Variants in MDGA2 observed in about 807,000 individuals in gnomAD.
MDGA2 encodes MAM domain-containing glycosylphosphatidylinositol anchor protein 2.
Under a neutral mutation model 117.8 loss-of-function variants are expected in MDGA2, and 40 were observed. The ratio of observed to expected loss-of-function variants is 0.34; its 90% CI spans 0.26 to 0.44. The LOEUF (loss-of-function observed/expected upper bound fraction) is 0.44. Ranked by LOEUF, MDGA2 falls within the 20% of genes least tolerant of loss-of-function variation. The pLI is 1.00. For synonymous variants in MDGA2, 452 were observed against 439.0 expected (o/e 1.03, Z -0.37); for missense variants, 1,123 against 1,250.6 (o/e 0.90, Z 1.54).
intron 3 of MDGA2, among the ~76,000 whole-genome samples, chr14:47,197,516 T>G (rs1025903297): frequency 1.3e-5 from 2 of 152,120 alleles, no homozygotes; most frequent in Non-Finnish European, 2.9e-5. Context: ...TGCCCAGTCA[T>G]CTATGGTATT....
chr14:47,288,895 T>C (rs1888779777), intron 2 of MDGA2, among the ~76,000 whole-genome samples: 1 of 152,170 alleles, frequency 6.6e-6, no homozygotes, highest in Non-Finnish European at 1.5e-5. Flanking sequence ...TATTCCTTAC[T>C]GATTTTGTTT....
chr14:46,866,056 G>A (rs1469492988), intron 14 of MDGA2, among the ~76,000 whole-genome samples: 2 of 151,416 alleles, frequency 1.3e-5, no homozygotes, highest in Non-Finnish European at 3.0e-5. Flanking sequence ...AAGTTCATAT[G>A]GAACCAAAAA....
chr14:47,585,608 C>T (rs528444485), intron 1 of MDGA2, among the ~76,000 whole-genome samples: 8 of 151,820 alleles, frequency 5.3e-5, no homozygotes, highest in African/African-American at 1.9e-4. Context: ...TGTAAGCCAA[C>T]AGAAGCCAAA....
intron 1 of MDGA2, among the ~76,000 whole-genome samples, chr14:47,577,823 G>C (rs1300775954): frequency 6.6e-6 from 1 of 152,188 alleles, no homozygotes; most frequent in Non-Finnish European, 1.5e-5. Flanking sequence ...CTGTTGGTAG[G>C]AATGTAAATT....
chr14:47,295,605 T>A (rs1889037632), intron 2 of MDGA2, among the ~76,000 whole-genome samples: 1 of 152,170 alleles, frequency 6.6e-6, no homozygotes, highest in Non-Finnish European at 1.5e-5. Flanking sequence ...CTCATTTATA[T>A]ATCAAAATGT....
chr14:47,488,686 C>A (rs1894108361), intron 1 of MDGA2, among the ~76,000 whole-genome samples: 2 of 151,690 alleles, frequency 1.3e-5, no homozygotes, highest in South Asian at 4.1e-4. Context: ...ATAAGTAAAT[C>A]CAAAAGTTAG....
At chr14:46,907,438 GA>G in intron 10 of MDGA2, among the ~76,000 whole-genome samples, 1 of 152,236 alleles carries the variant, frequency 6.6e-6, no homozygotes. Context: ...TTATTCTAAT[GA>G]TTAGATTCAC....
At chr14:47,512,740 ATCCATGGCTTTTTC>A (rs1894667992) in intron 1 of MDGA2, among the ~76,000 whole-genome samples, 1 of 152,114 alleles carries the variant, frequency 6.6e-6, no homozygotes, top group East Asian at 1.9e-4. Context: ...GCCACTCAAA[ATCCATGGCTTTTTC>A]TCACTGTGAG....
chr14:47,561,913 T>A (rs2138801959), intron 1 of MDGA2, among the ~76,000 whole-genome samples: 1 of 152,290 alleles, frequency 6.6e-6, no homozygotes, highest in East Asian at 1.9e-4. Context: ...CAATGCCTAG[T>A]TTGTTGAGGG....
At chr14:47,344,439 C>G (rs1890719008) in intron 1 of MDGA2, among the ~76,000 whole-genome samples, 1 of 151,850 alleles carries the variant, frequency 6.6e-6, no homozygotes, top group African/African-American at 2.4e-5. Flanking sequence ...GTTTGCTGTC[C>G]CAGAATGATT....
chr14:47,275,184 G>C (rs1466091481), intron 2 of MDGA2, among the ~76,000 whole-genome samples: 1 of 152,136 alleles, frequency 6.6e-6, no homozygotes, highest in Non-Finnish European at 1.5e-5. Context: ...CAAGAATAGT[G>C]GAACCTTATT....
chr14:47,478,564 T>C (rs1294512754), intron 1 of MDGA2, among the ~76,000 whole-genome samples: 1 of 152,010 alleles, frequency 6.6e-6, no homozygotes, highest in Non-Finnish European at 1.5e-5. Context: ...TTTGCAGAGA[T>C]GGGGTTTCAC....
At chr14:47,431,652 T>C (rs1045334428) in intron 1 of MDGA2, among the ~76,000 whole-genome samples, 6 of 152,028 alleles carry the variant, frequency 3.9e-5, no homozygotes, top group Admixed American at 1.3e-4. Context: ...TTTGCACAAA[T>C]GAGGGTTTGG....
intron 1 of MDGA2, among the ~76,000 whole-genome samples, chr14:47,320,232 T>G (rs1889939972): frequency 6.6e-6 from 1 of 152,076 alleles, no homozygotes; most frequent in African/African-American, 2.4e-5. Flanking sequence ...TTAAACAATT[T>G]GTGGCTGGGT....
intron 7 of MDGA2, among the ~76,000 whole-genome samples, chr14:47,058,033 A>G (rs1312495545): frequency 1.3e-5 from 2 of 152,182 alleles, no homozygotes; most frequent in East Asian, 3.9e-4. Context: ...CATCAAAAAC[A>G]TATGTTGAAA....
intron 6 of MDGA2, among the ~76,000 whole-genome samples, chr14:47,075,100 G>C (rs1890442816): frequency 6.6e-6 from 1 of 151,584 alleles, no homozygotes; most frequent in Non-Finnish European, 1.5e-5. Flanking sequence ...GATTTGCCTT[G>C]TATGACATCT....
At chr14:47,276,321 C>T (rs1038851786) in intron 2 of MDGA2, among the ~76,000 whole-genome samples, 3 of 152,094 alleles carry the variant, frequency 2.0e-5, no homozygotes, top group Non-Finnish European at 4.4e-5. Context: ...AAACATGCTA[C>T]TATTTAGCCG....
chr14:47,420,177 G>A (rs1274906676), intron 1 of MDGA2, among the ~76,000 whole-genome samples: 2 of 152,052 alleles, frequency 1.3e-5, no homozygotes, highest in African/African-American at 4.8e-5. Context: ...ATTACTTTCA[G>A]AATAGTGATT....
intron 6 of MDGA2, among the ~76,000 whole-genome samples, chr14:47,080,024 C>A (rs1890651529): frequency 6.6e-6 from 1 of 152,148 alleles, no homozygotes; most frequent in Admixed American, 6.5e-5. Flanking sequence ...AGCCACCGTG[C>A]CCGGCCTTTT....
Sources: gnomAD v4.1 joint callset for allele counts (sites outside exome capture counted in the v4.1 genomes callset) on GRCh38, gnomAD v4.1.1 for gene constraint, MANE v1.5 for transcripts, NCBI Gene and HGNC (gene_info 2026-07-23, HGNC 2026-07-21) for gene names.